Variants in BUB1B observed in about 807,000 individuals in gnomAD.
BUB1B encodes the protein BUB1 mitotic checkpoint serine/threonine kinase B, also known as mitotic checkpoint serine/threonine-protein kinase BUB1 beta.
Under a neutral mutation model 137.7 loss-of-function variants are expected in BUB1B, and 86 were observed. The observed-to-expected ratio is 0.62, with a 90% CI of 0.52 to 0.75. BUB1B has a LOEUF of 0.75. BUB1B is among the 30% of genes least tolerant of loss of function. The pLI is 0.00. For missense variants in BUB1B, 1,130 were observed against 1,236.9 expected, an observed-to-expected ratio of 0.91 and a Z score of 1.30; for synonymous variants, 420 against 417.9, an observed-to-expected ratio of 1.00 and a Z score of -0.06.
At chr15:40,201,298 T>G (rs2037565891) in intron 12 of BUB1B, among the ~76,000 whole-genome samples, 1 of 152,222 alleles carries the variant, frequency 6.6e-6, no homozygotes, top group Non-Finnish European at 1.5e-5. Context: ...AAAAAAAAAT[T>G]TAAAGCTATT....
At chr15:40,219,962 A>G (rs765163059) in intron 22 of BUB1B, among the ~76,000 whole-genome samples, 1 of 152,166 alleles carries the variant, frequency 6.6e-6, no homozygotes, top group South Asian at 2.1e-4. Context: ...TGTAAGACAT[A>G]TAGGATGGAT....
In BUB1B at chr15:40,221,079, A is replaced by G; in HGVS notation, c.*320A>G. The G allele has an allele frequency of 2.6e-6, 1 of 391,024 alleles. No homozygotes were observed. The highest frequency in any genetic ancestry group is 4.7e-6 in the Non-Finnish European group (1 of 212,544). 24.2% of individuals were successfully genotyped at this position (391,024 alleles called of 1,614,324 possible). On this transcript the variant is annotated 3_prime_UTR_variant, in exon 23 of 23. Coordinates refer to ENST00000287598, the MANE Select transcript of BUB1B (RefSeq NM_001211.6). ...TTTGTAATTTGTAAAATGTTCTCTT[A>G]TGATCACCATGTATTTTGTAAATAA...
rs770807071 is a variant in BUB1B, at chr15:40,212,574, C to A, written c.2461C>A (p.His821Asn). Reference protein sequence around the residue: ...LKERLNEDFDHFCSCYQYQDG... With the variant: ...LKERLNEDFDNFCSCYQYQDG... ...GGAACGTTTAAATGAAGATTTTGAT[C>A]ATTTTTGCAGCTGTTATCAATATCA... The change falls in exon 19 of 23, where the codon CAT becomes AAT. Residue 821 changes from histidine (H) to asparagine (N), a missense_variant. Transcript: ENST00000287598. 6.2e-7 allele frequency: 1 copy of A among 1,613,300 alleles called. No individual in the cohort carries two copies. Among genetic ancestry groups the A allele is most frequent in the Non-Finnish European group, 8.5e-7 (1 of 1,179,444 alleles).
At chr15:40,170,216 G>T in intron 3 of BUB1B, 95 bp downstream of exon 3, 1 of 1,187,686 alleles carries the variant, frequency 8.4e-7, no homozygotes, top group South Asian at 1.2e-5. Context: ...GTGTGTGTCA[G>T]AGTAGACAGT....
intron 19 of BUB1B, 73 bp downstream of exon 19, chr15:40,212,721 A>C: frequency 7.2e-7 from 1 of 1,383,730 alleles, no homozygotes; most frequent in Non-Finnish European, 1.0e-6. Flanking sequence ...AAAGGAATTT[A>C]GTACAAAATT....
Position 40,182,950 on chromosome 15 carries a change from G to A in BUB1B, c.582-764G>A, listed in dbSNP as rs150566164. 2.2e-4 allele frequency among the ~76,000 whole-genome samples: 33 copies of A among 152,228 alleles called. No individual in the cohort carries two copies. In the East Asian group the frequency reaches 6.2e-3, roughly 28 times the overall value. ...TTTTGTTGACTTTTCAGAGCCCTCA[G>A]TTAGTTGCTTTTTTTGTATATGGTC... is the stretch of plus-strand genomic sequence containing the variant. On this transcript the variant is annotated intron_variant, in intron 5 of 22. Transcript: ENST00000287598.
chr15:40,206,145 G>T (rs763748129), intron 14 of BUB1B, 39 bp from the exon 15 acceptor site: 3 of 1,610,556 alleles, frequency 1.9e-6, no homozygotes, highest in Non-Finnish European at 1.7e-6. Flanking sequence ...TTCATGTATT[G>T]AAATATTTTA....
chr15:40,176,330 C>T (rs2037222740), intron 4 of BUB1B, 147 bp from the exon 5 acceptor site: 1 of 772,016 alleles, frequency 1.3e-6, no homozygotes, highest in Non-Finnish European at 2.2e-6. Context: ...TTTTTAGGTC[C>T]TCCCAGTATG....
At chr15:40,203,120 CGTATTACTCATGAT>C (rs772893633) in intron 14 of BUB1B, among the ~76,000 whole-genome samples, 60 of 152,182 alleles carry the variant, frequency 3.9e-4, no homozygotes, top group Non-Finnish European at 7.1e-4. Flanking sequence ...TGTTCATAGC[CGTATTACTCATGAT>C]AGTGGAAACA....
chr15:40,161,341 G>A, intron 1 of BUB1B, 86 bp downstream of exon 1: 1 of 1,471,878 alleles, frequency 6.8e-7, no homozygotes, highest in Non-Finnish European at 9.2e-7. Context: ...GAGCAGTCGA[G>A]GGGGAGATCG....
rs1394970080 is a variant in BUB1B at position 40,176,601 on chromosome 15, A to G, written c.509A>G (p.Lys170Arg). ...EEYEARENFR[K>R]ADAIFQEGIQ... Reference sequence around the variant, plus strand: ...TATGAAGCTAGAGAAAACTTTAGGAAAGCAGATGCGATATTTCAGGAAGGG... The same window carrying G: ...TATGAAGCTAGAGAAAACTTTAGGAGAGCAGATGCGATATTTCAGGAAGGG... Residue 170 changes from lysine (K) to arginine (R), a missense_variant, in exon 5 of 23, where the codon AAA (lysine) becomes AGA (arginine). By Grantham distance (26) the Lys-to-Arg change is conservative (BLOSUM62 2). Transcript: ENST00000287598. 1 of 1,614,148 alleles carries G rather than the reference A, an allele frequency of 6.2e-7. No homozygotes were observed. The highest frequency in any genetic ancestry group is 1.1e-5 in the South Asian group (1 of 91,074).
In BUB1B at chr15:40,185,187, C is replaced by T. The variant is rs779846052; in HGVS notation, c.774C>T (p.Leu258=). ...TAGCTCCAAGCCAGAACAGAGGACTCCAAAATCCATTTCCTCAACAGATGC... is the reference window on the plus strand; with the variant it reads ...TAGCTCCAAGCCAGAACAGAGGACTTCAAAATCCATTTCCTCAACAGATGC... The part of the protein sequence containing the change: ...ALKAPSQNRG[L]QNPFPQQMQN... The change falls in exon 7 of 23, where the codon CTC becomes CTT. Residue 258 remains leucine, a synonymous_variant. Transcript: ENST00000287598. 2 of 1,613,972 alleles carry T rather than the reference C, an allele frequency of 1.2e-6. No individual in the cohort carries two copies. Among genetic ancestry groups the T allele is most frequent in the Admixed American group, 1.7e-5 (1 of 60,016 alleles).
chr15:40,179,110 A>G (rs372360390), intron 5 of BUB1B, among the ~76,000 whole-genome samples: 1 of 150,808 alleles, frequency 6.6e-6, no homozygotes, highest in African/African-American at 2.4e-5. Context: ...CCTACAATAC[A>G]TGGTCTTTTG....
rs2037896662 is a variant in BUB1B at position 40,220,895 on chromosome 15, G to A, written c.*136G>A. 3.1e-6 allele frequency: 3 copies of A among 959,274 alleles called. No individual in the cohort carries two copies. The highest frequency in any genetic ancestry group is 4.9e-6 in the Non-Finnish European group (3 of 612,058). The allele number at this position is 959,274 out of a possible 1,614,324, so 59.4% of individuals were successfully genotyped here. A position where few individuals can be genotyped will look rare whatever the true frequency, so the allele number is the denominator to read the frequency against. ...ATTGCTGTTCTACTTTTTGGTACAGGTATATTTTGACGTCACTGATATTTT... is the reference window on the plus strand; with the variant it reads ...ATTGCTGTTCTACTTTTTGGTACAGATATATTTTGACGTCACTGATATTTT... On this transcript the variant is annotated 3_prime_UTR_variant, in exon 23 of 23. Transcript: ENST00000287598.
intron 5 of BUB1B, among the ~76,000 whole-genome samples, chr15:40,183,266 C>T (rs1226682035): frequency 2.0e-5 from 3 of 151,992 alleles, no homozygotes; most frequent in African/African-American, 4.8e-5. Context: ...CAGGAGAAAC[C>T]GTATATGTGT....
At chr15:40,171,735 T>G (rs2037165047) in intron 4 of BUB1B, among the ~76,000 whole-genome samples, 2 of 152,144 alleles carry the variant, frequency 1.3e-5, no homozygotes, top group South Asian at 4.1e-4. Context: ...TTTTTATTGG[T>G]CTTTGGACTT....
rs781594629 is a variant in BUB1B at position 40,206,211 on chromosome 15, A to G, written c.1762A>G (p.Ser588Gly). The G allele has an allele frequency of 1.2e-6, 2 of 1,614,164 alleles. No homozygotes were observed. The highest frequency in any genetic ancestry group is 1.1e-5 in the South Asian group (1 of 91,078). Residue 588 changes from serine (S) to glycine (G), a missense_variant, in exon 15 of 23, where the codon AGC (serine) becomes GGC (glycine). Ser to Gly is a moderately conservative substitution (Grantham distance 56). Transcript: ENST00000287598. ...TGAATTTACAGGAATTGAACCCTTGAGCGAGGATGCCATTATCACAGGCTT... is the reference window on the plus strand; with the variant it reads ...TGAATTTACAGGAATTGAACCCTTGGGCGAGGATGCCATTATCACAGGCTT... Reference protein sequence around the residue: ...CDEFTGIEPLSEDAIITGFRN... With the variant: ...CDEFTGIEPLGEDAIITGFRN...
At chr15:40,208,262 G>T (rs1355164674) in intron 15 of BUB1B, among the ~76,000 whole-genome samples, 1 of 152,064 alleles carries the variant, frequency 6.6e-6, no homozygotes, top group Non-Finnish European at 1.5e-5. Context: ...TTAAGGCCAG[G>T]TGCAGTGGCT....
In BUB1B at chr15:40,180,943, C is replaced by T. The variant is rs1281936787; in HGVS notation, c.582-2771C>T. Among the ~76,000 whole-genome samples, 4 of 151,416 alleles carry T rather than the reference C, an allele frequency of 2.6e-5. No individual in the cohort carries two copies. In the East Asian group the frequency reaches 5.9e-4, roughly 22 times the overall value. Reference sequence around the variant, plus strand: ...GATTGCAGGCATGAGCCACTGCGCCCGGCCCTCTCTGGTTTCTAATAAGAA... The same window carrying T: ...GATTGCAGGCATGAGCCACTGCGCCTGGCCCTCTCTGGTTTCTAATAAGAA... On this transcript the variant is annotated intron_variant, in intron 5 of 22. Coordinates refer to ENST00000287598, the MANE Select transcript of BUB1B (RefSeq NM_001211.6).
Sources: allele counts gnomAD v4.1 joint callset (sites outside exome capture counted in the v4.1 genomes callset), GRCh38; gene constraint gnomAD v4.1.1; transcripts MANE v1.5; gene names NCBI Gene and HGNC (gene_info 2026-07-23, HGNC 2026-07-21).